TIAM2: variants seen among roughly 807,000 people sequenced by gnomAD.
TIAM2 encodes the protein rho guanine nucleotide exchange factor TIAM2.
In TIAM2, 80 loss-of-function variants were observed where a neutral mutation model predicts 152.9. The observed-to-expected ratio is 0.52, with a 90% CI of 0.44 to 0.63. The LOEUF is 0.63. Ranked by LOEUF, TIAM2 falls within the 30% of genes least tolerant of loss-of-function variation. TIAM2 has a pLI of 0.00. For missense variants in TIAM2, 1,965 were observed against 2,120.1 expected (o/e 0.93, Z 1.44); for synonymous variants, 804 against 838.0 (o/e 0.96, Z 0.70).
intron 2 of TIAM2, among the ~76,000 whole-genome samples, chr6:155,106,267 C>A (rs4307182): frequency 0.67 from 101,616 of 151,842 alleles, 33,983 homozygotes; most frequent in South Asian, 0.75. Flanking sequence ...GGCCTCCCAA[C>A]GTGCTGGGAT....
At chr6:155,183,130 A>T in intron 13 of TIAM2, 107 bp from the exon 14 acceptor site, 1 of 1,405,848 alleles carries the variant, frequency 7.1e-7, no homozygotes, top group Non-Finnish European at 9.6e-7. Context: ...AACAAACAAA[A>T]CAGTCCCTAC....
intron 14 of TIAM2, among the ~76,000 whole-genome samples, chr6:155,201,122 A>G (rs1781464412): frequency 6.6e-6 from 1 of 152,186 alleles, no homozygotes. Context: ...AGGTTCATCC[A>G]TGTTGTAGTA....
At chr6:155,133,036 A>G (rs918383577) in intron 4 of TIAM2, among the ~76,000 whole-genome samples, 1 of 152,122 alleles carries the variant, frequency 6.6e-6, no homozygotes, top group Admixed American at 6.5e-5. Flanking sequence ...CTTAACTCTG[A>G]ATTGTGTGCC....
chr6:155,199,869 C>T (rs1781437963), intron 14 of TIAM2, among the ~76,000 whole-genome samples: 1 of 152,190 alleles, frequency 6.6e-6, no homozygotes, highest in African/African-American at 2.4e-5. Context: ...AATTATCCCT[C>T]ACATCACCCT....
Position 155,129,395 on chromosome 6 carries a change from A to T in TIAM2, c.172A>T (p.Arg58Trp), listed in dbSNP as rs753398789. 1 of 1,614,152 alleles carries T rather than the reference A, an allele frequency of 6.2e-7. No individual in the cohort carries two copies. The highest frequency in any genetic ancestry group is 8.5e-7 in the Non-Finnish European group (1 of 1,180,022). ...AAGCAACGGAGCAGGTTACAAGTCC[A>T]GGTCCCTGGCCCGAAGCTGCCTTTC... ...HGSNGAGYKS[R>W]SLARSCLSHF... The change falls in exon 4 of 27, where the codon AGG (arginine) becomes TGG (tryptophan). Residue 58 changes from arginine (R) to tryptophan (W), a missense_variant. Arg to Trp is a moderately radical substitution (Grantham distance 101). This residue lies in a region of TIAM2 where 1,025 missense variants were observed against 1,119.4 expected (regional missense o/e 0.92). Coordinates refer to ENST00000682666, the MANE Select transcript of TIAM2 (RefSeq NM_012454.4). The surrounding 1 kb of genome is among the most constrained non-coding windows in gnomAD (Gnocchi z 4.8).
chr6:155,172,513 G>A (rs1049212630), intron 9 of TIAM2, among the ~76,000 whole-genome samples: 4 of 151,272 alleles, frequency 2.6e-5, no homozygotes, highest in East Asian at 1.9e-4. Flanking sequence ...AGGAACAGAA[G>A]TGCAGAGGCA....
chr6:155,026,178 A>G (rs1481427561), intron 1 of TIAM2, among the ~76,000 whole-genome samples: 1 of 152,198 alleles, frequency 6.6e-6, no homozygotes, highest in East Asian at 1.9e-4. Flanking sequence ...TACTAGATAA[A>G]AAAAGAACTT....
intron 7 of TIAM2, 117 bp from the exon 8 acceptor site, chr6:155,164,298 C>A: frequency 1.1e-6 from 1 of 914,676 alleles, no homozygotes; most frequent in Non-Finnish European, 1.6e-6. Flanking sequence ...CTAATTTAAA[C>A]CATGCAGACC....
At chr6:155,002,532 C>A (rs920560064) in intron 1 of TIAM2, among the ~76,000 whole-genome samples, 2 of 152,118 alleles carry the variant, frequency 1.3e-5, no homozygotes, top group African/African-American at 4.8e-5. Context: ...GTCTGGTTAA[C>A]CCCCAGTCAT....
chr6:155,257,141 G>A lies in TIAM2; in HGVS notation c.*20G>A. On this transcript the variant is annotated 3_prime_UTR_variant, in exon 27 of 27. Transcript: ENST00000682666. ...TCATAGTATGATTCAATCCAGATAT[G>A]GGTTAAATTCCTCATTTTACTTTTA... 1.2e-6 allele frequency: 2 copies of A among 1,600,738 alleles called. No individual in the cohort carries two copies. Among genetic ancestry groups the A allele is most frequent in the Admixed American group, 1.7e-5 (1 of 59,406 alleles).
chr6:155,027,580 G>A (rs28856288), intron 1 of TIAM2, among the ~76,000 whole-genome samples: 38 of 84,010 alleles, frequency 4.5e-4, no homozygotes, highest in African/African-American at 1.9e-3. Flanking sequence ...TATAATATAT[G>A]TACTGTGTTA....
chr6:154,998,166 C>A (rs1044460831), intron 1 of TIAM2, among the ~76,000 whole-genome samples: 11 of 152,154 alleles, frequency 7.2e-5, no homozygotes, highest in African/African-American at 2.7e-4. Context: ...GCTTTGTCAG[C>A]TGATGACTTT....
rs141871062 is a variant in TIAM2, at chr6:155,136,314, G to A, written c.1195-863G>A. ...TTTGAGATGGAGTTTCGCTCTTGTT[G>A]CCCAGGCTAGAGTGCAATGGCCTGA... On this transcript the variant is annotated intron_variant, in intron 4 of 26. Transcript: ENST00000682666. 6.4e-3 allele frequency among the ~76,000 whole-genome samples: 973 copies of A among 151,568 alleles called. 9 individuals carry two copies. Among genetic ancestry groups the A allele is most frequent in the Middle Eastern group, 0.037 (11 of 294 alleles).
At chr6:155,050,889 C>T (rs1777303889) in intron 1 of TIAM2, among the ~76,000 whole-genome samples, 1 of 152,202 alleles carries the variant, frequency 6.6e-6, no homozygotes, top group Non-Finnish European at 1.5e-5. Context: ...TTAGAGTCCC[C>T]CATCTCTCTT....
chr6:155,116,361 T>C (rs974518844), intron 2 of TIAM2, among the ~76,000 whole-genome samples: 8 of 152,120 alleles, frequency 5.3e-5, no homozygotes, highest in African/African-American at 1.9e-4. Context: ...AGAATCTACA[T>C]TGTAGCCTGA....
intron 7 of TIAM2, among the ~76,000 whole-genome samples, chr6:155,152,299 A>G (rs3805831): frequency 0.46 from 70,209 of 152,120 alleles, 16,823 homozygotes; most frequent in Middle Eastern, 0.56. Context: ...TTTGGGATCC[A>G]ACAAGAACAC....
chr6:155,058,535 G>C (rs1390827760), intron 1 of TIAM2, among the ~76,000 whole-genome samples: 1 of 152,184 alleles, frequency 6.6e-6, no homozygotes, highest in Non-Finnish European at 1.5e-5. Context: ...AAGAGTAACA[G>C]TCATTATCGT....
intron 14 of TIAM2, among the ~76,000 whole-genome samples, chr6:155,185,859 C>A (rs1328431664): frequency 6.6e-6 from 1 of 152,182 alleles, no homozygotes; most frequent in Non-Finnish European, 1.5e-5. Flanking sequence ...CCTCCCCTCT[C>A]CTAAGCTCCA....
At chr6:155,253,155 T>C (rs977696523) in intron 24 of TIAM2, 102 bp downstream of exon 24, 67 of 972,266 alleles carry the variant, frequency 6.9e-5, no homozygotes, top group Admixed American at 1.1e-4. Flanking sequence ...TTGGTGCCTT[T>C]TATTTTATAG....
Sources: allele counts gnomAD v4.1 joint callset (sites outside exome capture counted in the v4.1 genomes callset), GRCh38; gene constraint gnomAD v4.1.1; regional missense constraint gnomAD v4.1.1; non-coding constraint Gnocchi (gnomAD v3.1); transcripts MANE v1.5; gene names NCBI Gene and HGNC (gene_info 2026-07-23, HGNC 2026-07-21).